Variants in PRAG1 observed in about 807,000 individuals in gnomAD.
PRAG1 encodes inactive tyrosine-protein kinase PRAG1.
In PRAG1, 110 loss-of-function variants were observed where a neutral mutation model predicts 95.6. The observed-to-expected ratio is 1.15, with a 90% confidence interval of 0.99 to 1.35. The LOEUF (loss-of-function observed/expected upper bound fraction) is 1.35. Among genes scored for constraint, PRAG1 ranks in the 40% most tolerant of loss-of-function variants. PRAG1 has a pLI of 0.00. For synonymous variants in PRAG1, 1,052 were observed against 819.4 expected (o/e 1.28, Z -4.85); for missense variants, 2,554 against 1,864.7 (o/e 1.37, Z -6.81).
At position 8,318,206 on chromosome 8, in the gene PRAG1, G is replaced by T. The variant is rs377416162; in HGVS notation, c.4169C>A (p.Ser1390Tyr). ...EDWLCCQYLASAEPGALLQSL... is the reference protein window; with the variant it reads ...EDWLCCQYLAYAEPGALLQSL... The stretch of plus-strand genomic sequence containing the variant: ...CTGTAAGAGGGCCCCGGGCTCCGCA[G>T]ACGCCAGGTACTGGCAGCAAAGCCA... The change falls in exon 6 of 6, where the codon TCT becomes TAT. Residue 1390 changes from serine to tyrosine, a missense_variant. Transcript: ENST00000615670. This position sits in a 1 kb window ranked among gnomAD's most constrained non-coding sequence, Gnocchi z 4.2. 1.4e-5 allele frequency: 23 copies of T among 1,613,998 alleles called. No homozygotes were observed. The highest frequency in any genetic ancestry group is 1.9e-5 in the Non-Finnish European group (23 of 1,180,026).
At chr8:8,339,372 C>T (rs1316940026) in intron 4 of PRAG1, 106 bp downstream of exon 4, 5 of 1,233,838 alleles carry the variant, frequency 4.1e-6, no homozygotes, top group Non-Finnish European at 5.7e-6. Flanking sequence ...AAAGCAGGAC[C>T]AAGACAGTAG....
At chr8:8,362,737 C>A (rs1375464396) in intron 3 of PRAG1, among the ~76,000 whole-genome samples, 1 of 152,238 alleles carries the variant, frequency 6.6e-6, no homozygotes, top group Admixed American at 6.5e-5. Context: ...CAAGAGCACA[C>A]TGAACGAAGA....
At chr8:8,336,912 C>A (rs1314029643) in intron 4 of PRAG1, among the ~76,000 whole-genome samples, 1 of 82,872 alleles carries the variant, frequency 1.2e-5, no homozygotes, top group Non-Finnish European at 2.4e-5. Context: ...CCCCTTTCCC[C>A]CCTCCCCCCA....
At chr8:8,319,431 T>C in intron 5 of PRAG1, 129 bp from the exon 6 acceptor site, 1 of 603,350 alleles carries the variant, frequency 1.7e-6, no homozygotes, top group South Asian at 6.0e-5. Context: ...GAGCAATCCA[T>C]ACACATGCTA....
At chr8:8,349,670 G>C (rs750138337) in intron 3 of PRAG1, among the ~76,000 whole-genome samples, 1 of 152,074 alleles carries the variant, frequency 6.6e-6, no homozygotes, top group Non-Finnish European at 1.5e-5. Context: ...TGAAAAAACT[G>C]ATAGGGCCAA....
chr8:8,342,106 G>C (rs1799188702), intron 3 of PRAG1, among the ~76,000 whole-genome samples: 1 of 151,988 alleles, frequency 6.6e-6, no homozygotes, highest in African/African-American at 2.4e-5. Context: ...ACTCCAGCCT[G>C]GGTGACAGAG....
In PRAG1 at chr8:8,377,727, G is replaced by C. The variant is rs1800470610; in HGVS notation, c.682C>G (p.Leu228Val). Residue 228 changes from leucine (L) to valine (V), a missense_variant, in exon 3 of 6, where the codon CTG becomes GTG. Leu to Val is a conservative substitution (Grantham distance 32). Transcript: ENST00000615670. ...TCCTCCGAGGGCAGGGATTCCCGCA[G>C]GGGCCCAGGGCCCTGGTGACAGCCA... Reference protein sequence around the residue: ...TSGCHQGPGPLRESLPSEDDS... With the variant: ...TSGCHQGPGPVRESLPSEDDS... 6.2e-7 allele frequency: 1 copy of C among 1,614,038 alleles called. No individual in the cohort carries two copies. The highest frequency in any genetic ancestry group is 8.5e-7 in the Non-Finnish European group (1 of 1,180,010).
intron 3 of PRAG1, among the ~76,000 whole-genome samples, chr8:8,361,204 C>T (rs970688740): frequency 3.3e-5 from 5 of 152,116 alleles, no homozygotes; most frequent in African/African-American, 1.2e-4. Context: ...AAGGAAAGAA[C>T]GTTGAAGTTG....
At chr8:8,383,124 C>G (rs371588159) in intron 1 of PRAG1, among the ~76,000 whole-genome samples, 1 of 152,158 alleles carries the variant, frequency 6.6e-6, no homozygotes, top group African/African-American at 2.4e-5. Context: ...TCTAAACTGT[C>G]AACAGGACTA....
intron 3 of PRAG1, among the ~76,000 whole-genome samples, chr8:8,371,461 G>T (rs1428693585): frequency 3.9e-5 from 6 of 151,978 alleles, no homozygotes; most frequent in Non-Finnish European, 7.4e-5. Context: ...GGGTTTCACC[G>T]TGTTAGCCAG....
Position 8,319,305 on chromosome 8 carries a change from G to C in PRAG1, c.3073-3C>G. ...TTGGGCTCAGGGGCTTTGCAGATCT[G>C]TGGAGAGAAGAAGAAGTGAAATCAA... On this transcript the variant is annotated splice_region_variant and splice_polypyrimidine_tract_variant and intron_variant, in intron 5 of 5. Coordinates refer to ENST00000615670, the MANE Select transcript of PRAG1 (RefSeq NM_001080826.3). 6.7e-7 allele frequency: 1 copy of C among 1,501,874 alleles called. No homozygotes were observed. Among genetic ancestry groups the C allele is most frequent in the Non-Finnish European group, 8.9e-7 (1 of 1,123,714 alleles). 93.0% of individuals were successfully genotyped at this position (1,501,874 alleles called of 1,614,324 possible).
chr8:8,381,976 G>T, intron 1 of PRAG1, 142 bp from the exon 2 acceptor site: 2 of 473,934 alleles, frequency 4.2e-6, no homozygotes. Context: ...TGGGACCCTC[G>T]CCCATTTGTC....
intron 3 of PRAG1, among the ~76,000 whole-genome samples, chr8:8,356,262 G>T (rs1799678345): frequency 6.6e-6 from 1 of 152,206 alleles, no homozygotes; most frequent in Admixed American, 6.5e-5. Context: ...CAATATGAAA[G>T]ACAACAAATG....
rs770661626 is a variant in PRAG1, at chr8:8,376,345, C to G, written c.2064G>C (p.Gly688=). The change falls in exon 3 of 6, where the codon GGG becomes GGC. Residue 688 remains glycine, a synonymous_variant. Transcript: ENST00000615670. ...DGSSGQNSKV[G]TGMSKSASFA... is the part of the protein sequence containing the mutation. ...AAGAGGCGGATTTGCTCATCCCGGT[C>G]CCAACTTTGCTGTTCTGCCCAGAGG... is the stretch of plus-strand genomic sequence containing the variant. 14 of 1,614,090 alleles carry G rather than the reference C, an allele frequency of 8.7e-6. No individual in the cohort carries two copies. In the Admixed American group the frequency reaches 2.3e-4, roughly 27 times the overall value.
Position 8,376,249 on chromosome 8 carries a change from C to G in PRAG1, c.2160G>C (p.Ser720=), listed in dbSNP as rs372835921. Residue 720 remains serine (S), a splice_region_variant and synonymous_variant, in exon 3 of 6, where the codon TCG becomes TCC. Transcript: ENST00000615670. ...TFSPPPPPPK[S]RHLLKMNKSS... ...CCCAGGCAGACAATGGTACTCACCG[C>G]GACTTTGGAGGCGGAGGAGGAGGTG... 4 of 1,611,816 alleles carry G rather than the reference C, an allele frequency of 2.5e-6. No homozygotes were observed. Among genetic ancestry groups the G allele is most frequent in the Admixed American group, 1.7e-5 (1 of 59,936 alleles).
chr8:8,381,475 C>T lies in PRAG1; in HGVS notation c.273G>A (p.Met91Ile), dbSNP rs1253780167. Residue 91 changes from methionine to isoleucine, a missense_variant, in exon 2 of 6, where the codon ATG (methionine) becomes ATA (isoleucine). Physicochemically the swap from Met to Ile is conservative, Grantham distance 10. Transcript: ENST00000615670. Reference sequence around the variant, plus strand: ...TCCACACATCAGAGGCCTCGGAGCTCATCATGGTGGGCTTCACGGCAATTG... The same window carrying T: ...TCCACACATCAGAGGCCTCGGAGCTTATCATGGTGGGCTTCACGGCAATTG... ...KPTIAVKPTM[M>I]SSEASDVWTE... 1.9e-6 allele frequency: 3 copies of T among 1,614,240 alleles called. No individual in the cohort carries two copies. The highest frequency in any genetic ancestry group is 2.2e-5 in the South Asian group (2 of 91,074).
At position 8,350,880 on chromosome 8, in the gene PRAG1, A is replaced by G. The variant is rs186674860; in HGVS notation, c.2163-11245T>C. ...CTGCTCAAAACAGCACCATGTACAT[A>G]GAAAGTGCTCGTTAAATGGATGGAT... On this transcript the variant is annotated intron_variant, in intron 3 of 5. Coordinates refer to ENST00000615670, the MANE Select transcript of PRAG1 (RefSeq NM_001080826.3). Among the ~76,000 whole-genome samples, 40 of 151,828 alleles carry G rather than the reference A, an allele frequency of 2.6e-4. No individual in the cohort carries two copies. In the East Asian group the frequency reaches 3.9e-3, roughly 15 times the overall value.
In PRAG1 at chr8:8,318,217, C is replaced by A. The variant is rs1798339185; in HGVS notation, c.4158G>T (p.Gln1386His). Residue 1386 changes from glutamine to histidine, a missense_variant, in exon 6 of 6, where the codon CAG becomes CAT. Gln to His is a conservative substitution (Grantham distance 24). Transcript: ENST00000615670. The surrounding 1 kb of genome is among the most constrained non-coding windows in gnomAD (Gnocchi z 4.2). ...CCCCGGGCTCCGCAGACGCCAGGTA[C>A]TGGCAGCAAAGCCAGTCCTCCAGCT... ...GVELEDWLCCQYLASAEPGAL... is the reference protein window; with the variant it reads ...GVELEDWLCCHYLASAEPGAL... 6 of 1,614,156 alleles carry A rather than the reference C, an allele frequency of 3.7e-6. No homozygotes were observed. The highest frequency in any genetic ancestry group is 5.1e-6 in the Non-Finnish European group (6 of 1,180,016).
intron 3 of PRAG1, among the ~76,000 whole-genome samples, chr8:8,349,917 A>C (rs1224236108): frequency 6.9e-6 from 1 of 145,476 alleles, no homozygotes; most frequent in Non-Finnish European, 1.5e-5. Context: ...AGTTACATTA[A>C]AAGATAGGAA....
Sources: gnomAD v4.1 joint callset for allele counts (sites outside exome capture counted in the v4.1 genomes callset) on GRCh38, gnomAD v4.1.1 for gene constraint, Gnocchi (gnomAD v3.1) non-coding constraint, MANE v1.5 for transcripts, NCBI Gene and HGNC (gene_info 2026-07-23, HGNC 2026-07-21) for gene names.